FOXP1: variants seen among roughly 807,000 people sequenced by gnomAD.
FOXP1 encodes the protein forkhead box protein P1.
Under a neutral mutation model 98.2 loss-of-function variants are expected in FOXP1, and 15 were observed. That is an observed-to-expected ratio of 0.15 (90% CI 0.10 to 0.24). The LOEUF (loss-of-function observed/expected upper bound fraction) is 0.24. Among genes scored for constraint, FOXP1 ranks in the 10% least tolerant of loss-of-function variants. The pLI is 1.00. For missense variants in FOXP1, 633 were observed against 848.5 expected (o/e 0.75, Z 3.15); for synonymous variants, 371 against 314.5 (o/e 1.18, Z -1.90).
chr3:71,135,013 C>A (rs1369080357), intron 6 of FOXP1, among the ~76,000 whole-genome samples: 1 of 152,150 alleles, frequency 6.6e-6, no homozygotes, highest in African/African-American at 2.4e-5. Flanking sequence ...AATCCCAGCA[C>A]TTTGGGAGGC....
intron 3 of FOXP1, among the ~76,000 whole-genome samples, chr3:71,474,437 C>T (rs2089637754): frequency 6.6e-6 from 1 of 152,170 alleles, no homozygotes; most frequent in Admixed American, 6.5e-5. Context: ...GGTCCCCAGT[C>T]CCCGGGCCAC....
intron 7 of FOXP1, among the ~76,000 whole-genome samples, chr3:71,079,258 C>T (rs1249461728): frequency 6.6e-6 from 1 of 152,144 alleles, no homozygotes; most frequent in Non-Finnish European, 1.5e-5. Flanking sequence ...GCCCCTGCCC[C>T]CCACCTAGGT....
intron 6 of FOXP1, among the ~76,000 whole-genome samples, chr3:71,121,157 G>A (rs1278282895): frequency 1.3e-5 from 2 of 151,234 alleles, no homozygotes; most frequent in African/African-American, 4.9e-5. Context: ...GCCATCCTGC[G>A]CACCAACTAC....
chr3:71,447,302 A>G (rs2086539586), intron 3 of FOXP1, among the ~76,000 whole-genome samples: 1 of 152,152 alleles, frequency 6.6e-6, no homozygotes, highest in Non-Finnish European at 1.5e-5. Flanking sequence ...TGCCTTACAC[A>G]TTCTCAAGCT....
intron 11 of FOXP1, among the ~76,000 whole-genome samples, chr3:71,025,342 C>T (rs1375398222): frequency 5.3e-5 from 8 of 151,998 alleles, no homozygotes; most frequent in Non-Finnish European, 4.4e-5. Context: ...TGGGGTGGCG[C>T]ACGACTATGC....
At chr3:71,273,035 A>G (rs1314032264) in intron 5 of FOXP1, among the ~76,000 whole-genome samples, 1 of 151,864 alleles carries the variant, frequency 6.6e-6, no homozygotes, top group Non-Finnish European at 1.5e-5. Flanking sequence ...GAGGCCTCAC[A>G]CTCGTGTGTG....
intron 7 of FOXP1, among the ~76,000 whole-genome samples, chr3:71,109,148 C>G (rs947068527): frequency 1.3e-5 from 2 of 152,194 alleles, no homozygotes; most frequent in Admixed American, 6.5e-5. Context: ...CCACATCACC[C>G]AAGAATGTGA....
intron 2 of FOXP1, among the ~76,000 whole-genome samples, chr3:71,562,513 T>TTGGTTAAAGGCACAAG (rs1193815569): frequency 8.5e-5 from 13 of 152,186 alleles, no homozygotes; most frequent in African/African-American, 3.1e-4. Flanking sequence ...AATGAACTAC[T>TTGGTTAAAGGCACAAG]GCCTTTAACC....
chr3:71,378,085 C>G (rs139957332), intron 3 of FOXP1, among the ~76,000 whole-genome samples: 1 of 98,354 alleles, frequency 1.0e-5, no homozygotes, highest in Non-Finnish European at 2.1e-5. Flanking sequence ...GGAATCAATA[C>G]AGGCCAAGAA....
chr3:71,044,630 T>C (rs1482058397), intron 10 of FOXP1, among the ~76,000 whole-genome samples: 1 of 152,214 alleles, frequency 6.6e-6, no homozygotes, highest in African/African-American at 2.4e-5. Context: ...TAAAATAATC[T>C]TGATGATTTC....
chr3:71,296,073 T>C (rs1438865925), intron 5 of FOXP1: 5 of 152,244 alleles, frequency 3.3e-5, no homozygotes, highest in Non-Finnish European at 7.3e-5. Flanking sequence ...CTGTTATTTA[T>C]GACTCTTCAG....
chr3:71,254,119 A>G (rs573913344), intron 5 of FOXP1, among the ~76,000 whole-genome samples: 1 of 152,326 alleles, frequency 6.6e-6, no homozygotes, highest in Admixed American at 6.5e-5. Context: ...AGAAATTTTA[A>G]AATTTCTAAA....
intron 5 of FOXP1, among the ~76,000 whole-genome samples, chr3:71,261,329 A>AT (rs547132156): frequency 2.6e-4 from 40 of 152,042 alleles, no homozygotes; most frequent in African/African-American, 9.4e-4. Flanking sequence ...AAAAAATTAG[A>AT]TTTTTTTTAA....
chr3:71,237,876 A>C (rs551246924), intron 5 of FOXP1, among the ~76,000 whole-genome samples: 7 of 152,306 alleles, frequency 4.6e-5, no homozygotes, highest in African/African-American at 1.4e-4. Context: ...CCCCAGGAAA[A>C]AGGATAATTT....
At chr3:71,227,081 G>C (rs1264107308) in intron 5 of FOXP1, among the ~76,000 whole-genome samples, 1 of 152,034 alleles carries the variant, frequency 6.6e-6, no homozygotes, top group Admixed American at 6.5e-5. Flanking sequence ...GCGATGCAGT[G>C]GTTCTCACAC....
intron 5 of FOXP1, among the ~76,000 whole-genome samples, chr3:71,238,083 A>G (rs567886503): frequency 1.3e-5 from 2 of 152,358 alleles, no homozygotes; most frequent in South Asian, 4.1e-4. Flanking sequence ...CTCAAAATAT[A>G]TGAAATTAAT....
chr3:71,532,606 A>G (rs2043948693), intron 2 of FOXP1, among the ~76,000 whole-genome samples: 2 of 152,200 alleles, frequency 1.3e-5, no homozygotes, highest in Non-Finnish European at 1.5e-5. Flanking sequence ...TAACTTATTA[A>G]AACTCACAGT....
Position 70,959,213 on chromosome 3 carries a change from A to C in FOXP1, c.*34T>G. On this transcript the variant is annotated 3_prime_UTR_variant, in exon 21 of 21. Transcript: ENST00000649528. ...GTGTTTTTTTTTTTTTCCTTTTTCCAATCTTCATTCTCGGGGTTGGCCCGC... is the reference window on the plus strand; with the variant it reads ...GTGTTTTTTTTTTTTTCCTTTTTCCCATCTTCATTCTCGGGGTTGGCCCGC... 1 of 1,594,198 alleles carries C rather than the reference A, an allele frequency of 6.3e-7. No homozygotes were observed. Among genetic ancestry groups the C allele is most frequent in the South Asian group, 1.1e-5 (1 of 88,504 alleles).
At chr3:71,035,165 A>T (rs1314429763) in intron 11 of FOXP1, among the ~76,000 whole-genome samples, 1 of 152,184 alleles carries the variant, frequency 6.6e-6, no homozygotes, top group Non-Finnish European at 1.5e-5. Context: ...TCCAGGTCAC[A>T]GCAGAGCTGC....
Sources: gnomAD v4.1 joint callset for allele counts (sites outside exome capture counted in the v4.1 genomes callset) on GRCh38, gnomAD v4.1.1 for gene constraint, MANE v1.5 for transcripts, NCBI Gene and HGNC (gene_info 2026-07-23, HGNC 2026-07-21) for gene names.